The following PLEKHA5 variants were observed in gnomAD, a reference collection of about 807,000 sequenced individuals.
The protein encoded by PLEKHA5 is pleckstrin homology domain-containing family A member 5.
In PLEKHA5, 55 loss-of-function variants were observed where a neutral mutation model predicts 181.9. The observed-to-expected ratio is 0.30, with a 90% CI of 0.24 to 0.38. The LOEUF (loss-of-function observed/expected upper bound fraction) is 0.38. PLEKHA5 is among the 10% of genes least tolerant of loss of function. PLEKHA5 has a pLI of 1.00. For missense variants in PLEKHA5, 1,432 were observed against 1,549.5 expected, an observed-to-expected ratio of 0.92 and a Z score of 1.27; for synonymous variants, 535 against 529.4, an observed-to-expected ratio of 1.01 and a Z score of -0.15.
chr12:19,307,206 C>G (rs2084229088), intron 15 of PLEKHA5: 7 of 604,512 alleles, frequency 1.2e-5, no homozygotes, highest in Non-Finnish European at 2.1e-5. Flanking sequence ...CACATGGTGG[C>G]TCAGGCCAGT....
chr12:19,304,546 C>A (rs1400858045), intron 15 of PLEKHA5, among the ~76,000 whole-genome samples: 2 of 152,136 alleles, frequency 1.3e-5, no homozygotes, highest in Non-Finnish European at 2.9e-5. Context: ...TTGAAAAATT[C>A]TTTGGCAGTC....
At chr12:19,345,225 C>T (rs2094234141) in intron 22 of PLEKHA5, among the ~76,000 whole-genome samples, 1 of 151,590 alleles carries the variant, frequency 6.6e-6, no homozygotes, top group Admixed American at 6.6e-5. Flanking sequence ...CTTGTTGAGA[C>T]CCCATCTCTA....
chr12:19,235,225 G>A (rs561490642), intron 3 of PLEKHA5, among the ~76,000 whole-genome samples: 1 of 152,202 alleles, frequency 6.6e-6, no homozygotes, highest in East Asian at 1.9e-4. Context: ...AACTTGAGAT[G>A]CTATTTTTAA....
intron 3 of PLEKHA5, among the ~76,000 whole-genome samples, chr12:19,193,930 G>T (rs1022631981): frequency 6.6e-6 from 1 of 152,082 alleles, no homozygotes; most frequent in African/African-American, 2.4e-5. Context: ...GAATGGTAGG[G>T]AGAGAGGTGC....
intron 3 of PLEKHA5, among the ~76,000 whole-genome samples, chr12:19,212,669 C>T (rs2057152952): frequency 6.6e-6 from 1 of 152,090 alleles, no homozygotes; most frequent in Non-Finnish European, 1.5e-5. Flanking sequence ...AAAATTAATC[C>T]ATGCTCATTA....
intron 3 of PLEKHA5, among the ~76,000 whole-genome samples, chr12:19,139,702 G>A (rs531657701): frequency 2.6e-5 from 4 of 152,278 alleles, no homozygotes; most frequent in South Asian, 2.1e-4. Context: ...TTTTGACTAC[G>A]TATATTGAAA....
intron 25 of PLEKHA5, among the ~76,000 whole-genome samples, chr12:19,352,277 C>G (rs2094637732): frequency 6.6e-6 from 1 of 151,122 alleles, no homozygotes; most frequent in African/African-American, 2.4e-5. Context: ...CCCACCTACT[C>G]AGGAGGCTGA....
chr12:19,177,158 G>A (rs1005353294), intron 3 of PLEKHA5, among the ~76,000 whole-genome samples: 2 of 152,086 alleles, frequency 1.3e-5, no homozygotes, highest in African/African-American at 4.8e-5. Context: ...GAGCCACCAC[G>A]CAGGGCCCAC....
chr12:19,301,579 A>G (rs191153054), intron 15 of PLEKHA5, among the ~76,000 whole-genome samples: 94 of 152,320 alleles, frequency 6.2e-4, no homozygotes, highest in Non-Finnish European at 9.1e-4. Context: ...CAGGCCTTCA[A>G]AGTTTGCTTT....
In PLEKHA5 at chr12:19,224,995, G is replaced by A. The variant is rs138607968; in HGVS notation, c.228-28945G>A. ...CTGGGCAACATAGCAAGACCTCATCGCCATAAAAAGGGGAGAAAAGAATCT... is the reference window on the plus strand; with the variant it reads ...CTGGGCAACATAGCAAGACCTCATCACCATAAAAAGGGGAGAAAAGAATCT... On this transcript the variant is annotated intron_variant, in intron 3 of 31. Transcript: ENST00000429027. Among the ~76,000 whole-genome samples the A allele has an allele frequency of 2.6e-3, 401 of 152,150 alleles. 2 individuals carry two copies. The highest frequency in any genetic ancestry group is 9.3e-3 in the African/African-American group (386 of 41,506).
At chr12:19,233,019 A>T (rs1272024550) in intron 3 of PLEKHA5, among the ~76,000 whole-genome samples, 2 of 152,162 alleles carry the variant, frequency 1.3e-5, no homozygotes, top group Non-Finnish European at 2.9e-5. Flanking sequence ...TAGGTGTGAG[A>T]GTTTAATTTC....
In PLEKHA5 at chr12:19,130,285, C is replaced by T. The variant is rs1009809844; in HGVS notation, c.169+155C>T. Among the ~76,000 whole-genome samples the T allele has an allele frequency of 1.4e-4, 22 of 151,862 alleles. No homozygotes were observed. Among genetic ancestry groups the T allele is most frequent in the Non-Finnish European group, 2.2e-4 (15 of 67,910 alleles). ...GGAGCGGCCGCAGGTAGAGGGGCCA[C>T]GGGGACTCCGCCGCCGGGAGTTCTC... On this transcript the variant is annotated intron_variant, in intron 2 of 31. Coordinates refer to ENST00000429027, the MANE Select transcript of PLEKHA5 (RefSeq NM_001256470.2). This position sits in a 1 kb window ranked among gnomAD's most constrained non-coding sequence, Gnocchi z 4.5.
rs56086557 is a variant in PLEKHA5, at chr12:19,167,405, A to ATTTTTTTTTTTTTTTTTTTTTTTT, written c.227+34961_227+34984dup. 4.5e-4 allele frequency among the ~76,000 whole-genome samples: 41 copies of ATTTTTTTTTTTTTTTTTTTTTTTT among 91,228 alleles called. 2 individuals are homozygous for ATTTTTTTTTTTTTTTTTTTTTTTT. Among genetic ancestry groups the ATTTTTTTTTTTTTTTTTTTTTTTT allele is most frequent in the African/African-American group, 5.9e-4 (13 of 22,102 alleles). 59.8% of individuals were successfully genotyped at this position (91,228 alleles called of 152,430 possible). ...CACTCTGCAAGTCTTCTGAGGCTTA[A>ATTTTTTTTTTTTTTTTTTTTTTTT]TTTTTTTTTTTTTTTTTTTTTTTTT... On this transcript the variant is annotated intron_variant, in intron 3 of 31. Coordinates refer to ENST00000429027, the MANE Select transcript of PLEKHA5 (RefSeq NM_001256470.2).
At chr12:19,133,326 TC>T (rs758241150) in intron 3 of PLEKHA5, among the ~76,000 whole-genome samples, 9 of 152,034 alleles carry the variant, frequency 5.9e-5, no homozygotes, top group Admixed American at 1.3e-4. Context: ...AAAATTTTAA[TC>T]CCCCAACGAA....
At chr12:19,301,104 C>T (rs1378681916) in intron 15 of PLEKHA5, among the ~76,000 whole-genome samples, 7 of 151,972 alleles carry the variant, frequency 4.6e-5, no homozygotes, top group Non-Finnish European at 7.4e-5. Context: ...GAGCCGAGAT[C>T]GCGCCATTGC....
At chr12:19,305,927 A>T (rs1405195360) in intron 15 of PLEKHA5, among the ~76,000 whole-genome samples, 1 of 151,448 alleles carries the variant, frequency 6.6e-6, no homozygotes, top group Non-Finnish European at 1.5e-5. Context: ...AAAAATACAA[A>T]AAATTGGCTG....
intron 4 of PLEKHA5, among the ~76,000 whole-genome samples, chr12:19,254,541 C>T (rs2066306031): frequency 1.3e-5 from 2 of 152,112 alleles, no homozygotes; most frequent in South Asian, 2.1e-4. Flanking sequence ...ACATGATAGG[C>T]CGGGCACAGT....
intron 3 of PLEKHA5, among the ~76,000 whole-genome samples, chr12:19,172,990 TAC>T (rs2046280181): frequency 1.4e-5 from 2 of 144,384 alleles, no homozygotes; most frequent in Admixed American, 7.0e-5. Context: ...AGAAAATTGC[TAC>T]TGATTTCCCT....
At chr12:19,307,537 T>G (rs549956895) in intron 15 of PLEKHA5, 2 of 319,662 alleles carry the variant, frequency 6.3e-6, no homozygotes, top group Admixed American at 7.1e-5. Flanking sequence ...TCGGCTGCTA[T>G]AGAACCAGAG....
Sources: gnomAD v4.1 joint callset for allele counts (sites outside exome capture counted in the v4.1 genomes callset) on GRCh38, gnomAD v4.1.1 for gene constraint, Gnocchi (gnomAD v3.1) non-coding constraint, MANE v1.5 for transcripts, NCBI Gene and HGNC (gene_info 2026-07-23, HGNC 2026-07-21) for gene names.